RRP8: variants seen among roughly 807,000 people sequenced by gnomAD.
RRP8 encodes ribosomal RNA-processing protein 8.
RRP8 carries 48 observed loss-of-function variants against 45.0 expected under a neutral mutation model. That is an observed-to-expected ratio of 1.07 (90% CI 0.85 to 1.36). RRP8 has a LOEUF of 1.36. RRP8 is among the 40% of genes most tolerant of loss of function. The pLI is 0.00. For missense variants in RRP8, 658 were observed against 573.7 expected, an observed-to-expected ratio of 1.15 and a Z score of -1.50; for synonymous variants, 274 against 212.4, an observed-to-expected ratio of 1.29 and a Z score of -2.52.
intron 2 of RRP8, 106 bp from the exon 3 acceptor site, chr11:6,601,708 G>A: frequency 4.7e-6 from 7 of 1,482,168 alleles, no homozygotes; most frequent in African/African-American, 2.8e-5. Context: ...CGTGACTGTG[G>A]CCTGCAGAGA....
rs750208056 is a variant in RRP8 at position 6,601,017 on chromosome 11, T to A, written c.956A>T (p.Asp319Val). 6.2e-7 allele frequency: 1 copy of A among 1,614,042 alleles called. No individual in the cohort carries two copies. Among genetic ancestry groups the A allele is most frequent in the Admixed American group, 1.7e-5 (1 of 60,016 alleles). ...CCGGATACTTGAAGCCAAGCGGCAA[T>A]CCCCACAGCCGAAGTCAGCCACCAC... is the stretch of plus-strand genomic sequence containing the variant. Reference protein sequence around the residue: ...SLVVADFGCGDCRLASSIRNP... With the variant: ...SLVVADFGCGVCRLASSIRNP... The change falls in exon 4 of 7, where the codon GAT (aspartate) becomes GTT (valine). Residue 319 changes from aspartate to valine, a missense_variant. Coordinates refer to ENST00000254605, the MANE Select transcript of RRP8 (RefSeq NM_015324.4).
chr11:6,598,908 T>C lies in RRP8; in HGVS notation c.*1238A>G, dbSNP rs559359602. On this transcript the variant is annotated 3_prime_UTR_variant, in exon 7 of 7. Transcript: ENST00000254605. ...GAGGCCTAGAATCTATCATTCAAACTCACCTTCCCTCAGCACCTTGCCTAT... is the reference window on the plus strand; with the variant it reads ...GAGGCCTAGAATCTATCATTCAAACCCACCTTCCCTCAGCACCTTGCCTAT... 1 of 152,384 alleles carries C rather than the reference T, an allele frequency of 6.6e-6. No individual in the cohort carries two copies. Among genetic ancestry groups the C allele is most frequent in the East Asian group, 1.9e-4 (1 of 5,182 alleles). 9.4% of individuals were successfully genotyped at this position (152,384 alleles called of 1,614,324 possible). A position where few individuals can be genotyped will look rare whatever the true frequency, so the allele number is the denominator to read the frequency against.
At chr11:6,602,681 C>A (rs1461551835) in intron 1 of RRP8, among the ~76,000 whole-genome samples, 2 of 152,108 alleles carry the variant, frequency 1.3e-5, no homozygotes, top group Non-Finnish European at 2.9e-5. Flanking sequence ...GAGAGGCCAG[C>A]GGCTTGGACA....
In RRP8 at chr11:6,601,472, A is replaced by G; in HGVS notation, c.594T>C (p.Cys198=). 1 of 1,613,956 alleles carries G rather than the reference A, an allele frequency of 6.2e-7. No homozygotes were observed. The highest frequency in any genetic ancestry group is 8.5e-7 in the Non-Finnish European group (1 of 1,180,020). ...CCTGAGGTGGCTGAAACTTGTTCTT[A>G]CATCTTCTCTTGTTCTTTTGCCGGT... ...WRNRQKNKRR[C]KNKFQPPQVP... Residue 198 remains cysteine, a synonymous_variant, in exon 3 of 7, where the codon TGT becomes TGC. Coordinates refer to ENST00000254605, the MANE Select transcript of RRP8 (RefSeq NM_015324.4).
Position 6,601,348 on chromosome 11 carries a change from C to T in RRP8, c.718G>A (p.Ala240Thr), listed in dbSNP as rs770567575. 1.9e-6 allele frequency: 3 copies of T among 1,614,078 alleles called. No homozygotes were observed. In the South Asian group the frequency reaches 3.3e-5, roughly 18 times the overall value. The change falls in exon 3 of 7, where the codon GCC becomes ACC. Residue 240 changes from alanine to threonine, a missense_variant. Transcript: ENST00000254605. ...CCATCCAGCCGCTGTGCCATGCGGG[C>T]TCGCAAAGCCCCTGCCCGAGCCTCA... ...SHEARAGALR[A>T]RMAQRLDGAR...
chr11:6,600,948 A>T lies in RRP8; in HGVS notation c.1025T>A (p.Val342Asp). ...CFDLASLDPR[V>D]TVCDMAQVPL... ...TACCTGGGCCATGTCACACACAGTG[A>T]CCCTAGGGTCCAGAGAAGCCAAGTC... Residue 342 changes from valine (V) to aspartate (D), a missense_variant, in exon 4 of 7, where the codon GTC becomes GAC. Physicochemically the swap from Val to Asp is radical, Grantham distance 152. Transcript: ENST00000254605. 6.2e-7 allele frequency: 1 copy of T among 1,613,960 alleles called. No homozygotes were observed. Among genetic ancestry groups the T allele is most frequent in the African/African-American group, 1.3e-5 (1 of 74,898 alleles).
In RRP8 at chr11:6,595,921, T is replaced by C; in HGVS notation, c.*4225A>G. 6.6e-6 allele frequency: 1 copy of C among 152,346 alleles called. No homozygotes were observed. Among genetic ancestry groups the C allele is most frequent in the Non-Finnish European group, 1.5e-5 (1 of 68,038 alleles). 9.4% of individuals were successfully genotyped at this position (152,346 alleles called of 1,614,324 possible). A position where few individuals can be genotyped will look rare whatever the true frequency, so the allele number is the denominator to read the frequency against. On this transcript the variant is annotated 3_prime_UTR_variant, in exon 7 of 7. Transcript: ENST00000254605. ...GGTCAAGTAGCTATTATGCCCTAAA[T>C]AGTAACTCAGGTATTCAGACTTCTT... is the stretch of plus-strand genomic sequence containing the variant.
chr11:6,597,492 T>G lies in RRP8; in HGVS notation c.*2654A>C, dbSNP rs1854246147. ...ACTGCCATTTACCTCAAACAGGCCC[T>G]CCACATTACTCAGCAATCCTTACCC... On this transcript the variant is annotated 3_prime_UTR_variant, in exon 7 of 7. Coordinates refer to ENST00000254605, the MANE Select transcript of RRP8 (RefSeq NM_015324.4). The G allele has an allele frequency of 6.7e-6, 1 of 149,522 alleles. No homozygotes were observed. The highest frequency in any genetic ancestry group is 1.5e-5 in the Non-Finnish European group (1 of 67,854). The allele number at this position is 149,522 out of a possible 1,614,324, so 9.3% of individuals were successfully genotyped here.
chr11:6,602,850 T>C (rs568431665), intron 1 of RRP8, among the ~76,000 whole-genome samples: 3 of 152,210 alleles, frequency 2.0e-5, no homozygotes, highest in Non-Finnish European at 4.4e-5. Flanking sequence ...GATTCTGTGT[T>C]GCAGTCCTAC....
rs767005329 is a variant in RRP8, at chr11:6,600,918, G to T, written c.1047+8C>A. The T allele has an allele frequency of 1.2e-6, 2 of 1,614,096 alleles. No individual in the cohort carries two copies. The highest frequency in any genetic ancestry group is 8.5e-7 in the Non-Finnish European group (1 of 1,180,012). ...CTAGAGCACAAGCCAGATAACATAG[G>T]GGTTTACCTGGGCCATGTCACACAC... On this transcript the variant is annotated splice_region_variant and intron_variant, in intron 4 of 6. Coordinates refer to ENST00000254605, the MANE Select transcript of RRP8 (RefSeq NM_015324.4).
Position 6,602,018 on chromosome 11 carries a change from C to A in RRP8, c.297G>T (p.Gln99His). 6.2e-7 allele frequency: 1 copy of A among 1,614,166 alleles called. No homozygotes were observed. The highest frequency in any genetic ancestry group is 8.5e-7 in the Non-Finnish European group (1 of 1,180,030). ...GKKGKKKCQK[Q>H]GPPCSDSEEE... ...CCTCAGAGTCACTGCAAGGTGGGCC[C>A]TGTTTTTGACATTTCTTCTTCCCTT... The change falls in exon 2 of 7, where the codon CAG (glutamine) becomes CAT (histidine). Residue 99 changes from glutamine to histidine, a missense_variant. By Grantham distance (24) the Gln-to-His change is conservative. Transcript: ENST00000254605.
At position 6,599,237 on chromosome 11, in the gene RRP8, A is replaced by G. The variant is rs935279925; in HGVS notation, c.*909T>C. 6.6e-6 allele frequency: 1 copy of G among 152,254 alleles called. No homozygotes were observed. The highest frequency in any genetic ancestry group is 1.5e-5 in the Non-Finnish European group (1 of 68,058). The allele number at this position is 152,254 out of a possible 1,614,324, so 9.4% of individuals were successfully genotyped here. On this transcript the variant is annotated 3_prime_UTR_variant, in exon 7 of 7. Transcript: ENST00000254605. Reference sequence around the variant, plus strand: ...GCCTAGGGAAGATCTTCAAAAAACAATAAGGCTTACAACACATAATAGTCA... The same window carrying G: ...GCCTAGGGAAGATCTTCAAAAAACAGTAAGGCTTACAACACATAATAGTCA...
rs376667586 is a variant in RRP8 at position 6,597,889 on chromosome 11, TA to T, written c.*2256del. 1,837 of 131,672 alleles carry T rather than the reference TA, an allele frequency of 0.014. 16 individuals are homozygous for T. The highest frequency in any genetic ancestry group is 0.031 in the African/African-American group (1,179 of 37,460). 8.2% of individuals were successfully genotyped at this position (131,672 alleles called of 1,614,324 possible). ...TGGGCCACAGAGCAAGACTCTGTCT[TA>T]AAAAAAAAAAAAAAAAAAAATTAAC... On this transcript the variant is annotated 3_prime_UTR_variant, in exon 7 of 7. Coordinates refer to ENST00000254605, the MANE Select transcript of RRP8 (RefSeq NM_015324.4).
At position 6,603,463 on chromosome 11, in the gene RRP8, C is replaced by T. The variant is rs748147961; in HGVS notation, c.40G>A (p.Ala14Thr). 5 of 1,601,558 alleles carry T rather than the reference C, an allele frequency of 3.1e-6. No individual in the cohort carries two copies. The African/African-American group carries it at 6.7e-5, about 21-fold the overall frequency. The change falls in exon 1 of 7, where the codon GCC (alanine) becomes ACC (threonine). Residue 14 changes from alanine to threonine, a missense_variant. Coordinates refer to ENST00000254605, the MANE Select transcript of RRP8 (RefSeq NM_015324.4). ...EPEWAEAAPV[A>T]AGLGPVISRP... ...GAGATTACGGGCCCAAGGCCCGCGG[C>T]TACTGGGGCCGCCTCGGCCCACTCA...
Position 6,601,033 on chromosome 11 carries a change from C to A in RRP8, c.940G>T (p.Asp314Tyr). 6.2e-7 allele frequency: 1 copy of A among 1,614,220 alleles called. No homozygotes were observed. Among genetic ancestry groups the A allele is most frequent in the South Asian group, 1.1e-5 (1 of 91,068 alleles). Residue 314 changes from aspartate (D) to tyrosine (Y), a missense_variant, in exon 4 of 7, where the codon GAC (aspartate) becomes TAC (tyrosine). Asp to Tyr is a radical substitution (Grantham distance 160). Transcript: ENST00000254605. Reference sequence around the variant, plus strand: ...AAGCGGCAATCCCCACAGCCGAAGTCAGCCACCACTAGGGATGCAGGCCTG... The same window carrying A: ...AAGCGGCAATCCCCACAGCCGAAGTAAGCCACCACTAGGGATGCAGGCCTG... ...RQRPASLVVADFGCGDCRLAS... is the reference protein window; with the variant it reads ...RQRPASLVVAYFGCGDCRLAS...
chr11:6,603,488 A>G lies in RRP8; in HGVS notation c.15T>C (p.Pro5=). 1 of 1,588,146 alleles carries G rather than the reference A, an allele frequency of 6.3e-7. No individual in the cohort carries two copies. Among genetic ancestry groups the G allele is most frequent in the Non-Finnish European group, 8.6e-7 (1 of 1,167,966 alleles). Residue 5 remains proline (P), a synonymous_variant, in exon 1 of 7, where the codon CCT becomes CCC. Transcript: ENST00000254605. MFEE[P]EWAEAAPVAA... ...CTACTGGGGCCGCCTCGGCCCACTCAGGCTCTTCGAACATGAGGGTCGGGA... is the reference window on the plus strand; with the variant it reads ...CTACTGGGGCCGCCTCGGCCCACTCGGGCTCTTCGAACATGAGGGTCGGGA...
rs927237603 is a variant in RRP8, at chr11:6,598,802, T to C, written c.*1344A>G. 19 of 152,242 alleles carry C rather than the reference T, an allele frequency of 1.2e-4. No homozygotes were observed. The highest frequency in any genetic ancestry group is 8.5e-4 in the Admixed American group (13 of 15,284). 9.4% of individuals were successfully genotyped at this position (152,242 alleles called of 1,614,324 possible). ...GGGCATAGAACCTATGATCTCCCAA[T>C]GGGTACTGTCAGGTATTCCTGGAAA... On this transcript the variant is annotated 3_prime_UTR_variant, in exon 7 of 7. Coordinates refer to ENST00000254605, the MANE Select transcript of RRP8 (RefSeq NM_015324.4).
chr11:6,600,351 A>C, intron 6 of RRP8, 86 bp from the exon 7 acceptor site: 1 of 1,321,090 alleles, frequency 7.6e-7, no homozygotes. Flanking sequence ...TCTGCTCACA[A>C]AGCTTCCCAG....
Position 6,602,019 on chromosome 11 carries a change from T to C in RRP8, c.296A>G (p.Gln99Arg), listed in dbSNP as rs755124703. Residue 99 changes from glutamine to arginine, a missense_variant, in exon 2 of 7, where the codon CAG becomes CGG. Gln to Arg is a conservative substitution (Grantham distance 43). Coordinates refer to ENST00000254605, the MANE Select transcript of RRP8 (RefSeq NM_015324.4). Reference sequence around the variant, plus strand: ...CTCAGAGTCACTGCAAGGTGGGCCCTGTTTTTGACATTTCTTCTTCCCTTT... The same window carrying C: ...CTCAGAGTCACTGCAAGGTGGGCCCCGTTTTTGACATTTCTTCTTCCCTTT... Reference protein sequence around the residue: ...GKKGKKKCQKQGPPCSDSEEE... With the variant: ...GKKGKKKCQKRGPPCSDSEEE... 4.1e-5 allele frequency: 66 copies of C among 1,614,084 alleles called. No individual in the cohort carries two copies. The highest frequency in any genetic ancestry group is 5.5e-5 in the Non-Finnish European group (65 of 1,180,034).
Sources: allele counts gnomAD v4.1 joint callset (sites outside exome capture counted in the v4.1 genomes callset), GRCh38; gene constraint gnomAD v4.1.1; transcripts MANE v1.5; gene names NCBI Gene and HGNC (gene_info 2026-07-23, HGNC 2026-07-21).